The following SPTSSB variants were observed in gnomAD, a reference collection of about 807,000 sequenced individuals.
SPTSSB encodes the protein serine palmitoyltransferase small subunit B, also known as androgen down regulated in mouse prostate.
A neutral mutation model predicts 7.7 loss-of-function variants in SPTSSB; 6 were observed. The observed-to-expected ratio is 0.78, with a 90% CI of 0.43 to 1.54. SPTSSB has a LOEUF of 1.54. Ranked by LOEUF, SPTSSB falls within the 40% of genes most tolerant of loss-of-function variation. SPTSSB has a pLI of 0.01. For missense variants in SPTSSB, 91 were observed against 93.0 expected, an observed-to-expected ratio of 0.98 and a Z score of 0.09; for synonymous variants, 28 against 29.7, an observed-to-expected ratio of 0.94 and a Z score of 0.19.
intron 1 of SPTSSB, among the ~76,000 whole-genome samples, chr3:161,369,353 T>TTTCC (rs1715396946): frequency 3.7e-5 from 2 of 53,890 alleles, no homozygotes; most frequent in African/African-American, 1.7e-4. Flanking sequence ...TCTTTCTTTC[T>TTTCC]CTTTCTTTCT....
At chr3:161,364,397 G>A (rs193130248) in intron 1 of SPTSSB, among the ~76,000 whole-genome samples, 3 of 152,254 alleles carry the variant, frequency 2.0e-5, no homozygotes, top group Non-Finnish European at 4.4e-5. Context: ...AATTTCCTAT[G>A]AGGATCCCTT....
At chr3:161,365,567 C>T (rs1054342932) in intron 1 of SPTSSB, among the ~76,000 whole-genome samples, 2 of 152,182 alleles carry the variant, frequency 1.3e-5, no homozygotes, top group African/African-American at 4.8e-5. Flanking sequence ...GAAATAAGGT[C>T]CTCTTCTGTC....
chr3:161,370,385 C>T (rs1489255358), intron 1 of SPTSSB, among the ~76,000 whole-genome samples: 2 of 152,132 alleles, frequency 1.3e-5, no homozygotes, highest in African/African-American at 4.8e-5. Context: ...ACATTTCATA[C>T]TACAGCTTGT....
chr3:161,360,697 C>T (rs1016025059), intron 1 of SPTSSB, among the ~76,000 whole-genome samples: 3 of 152,058 alleles, frequency 2.0e-5, no homozygotes, highest in Non-Finnish European at 2.9e-5. Context: ...CAGATGATCC[C>T]ATGTTATGGT....
chr3:161,370,217 A>G (rs753630527), intron 1 of SPTSSB, among the ~76,000 whole-genome samples: 52 of 152,314 alleles, frequency 3.4e-4, no homozygotes, highest in South Asian at 6.3e-4. Context: ...AAGAAAACCA[A>G]TGAGAGTTGA....
intron 1 of SPTSSB, among the ~76,000 whole-genome samples, chr3:161,362,399 T>C (rs1368708840): frequency 1.3e-5 from 2 of 152,166 alleles, no homozygotes; most frequent in Non-Finnish European, 2.9e-5. Context: ...ATGACAGACC[T>C]TTGGTAAAGA....
intron 2 of SPTSSB, among the ~76,000 whole-genome samples, chr3:161,347,677 G>A (rs190266463): frequency 5.9e-5 from 9 of 151,324 alleles, no homozygotes; most frequent in East Asian, 2.0e-4. Flanking sequence ...TTTGAGACCC[G>A]CCTGGCCAAC....
chr3:161,369,385 CTTTTTTTTTTTT>C (rs71149710), intron 1 of SPTSSB, among the ~76,000 whole-genome samples: 7,795 of 29,746 alleles, frequency 0.26, 316 homozygotes, highest in East Asian at 0.46. Flanking sequence ...TCTTTCTTTC[CTTTTTTTTTTTT>C]TTTTTTTTTT....
At chr3:161,352,656 ACTTAATATTTC>A (rs1714596803) in intron 2 of SPTSSB, among the ~76,000 whole-genome samples, 1 of 152,302 alleles carries the variant, frequency 6.6e-6, no homozygotes, top group Admixed American at 6.5e-5. Flanking sequence ...ACTCGAATGT[ACTTAATATTTC>A]CACAGCACAA....
intron 1 of SPTSSB, among the ~76,000 whole-genome samples, chr3:161,368,455 C>CT (rs1281861037): frequency 1.4e-5 from 2 of 146,042 alleles, no homozygotes; most frequent in East Asian, 4.1e-4. Flanking sequence ...GAGACGGAGT[C>CT]TCGCTCTGTC....
intron 1 of SPTSSB, among the ~76,000 whole-genome samples, chr3:161,367,314 G>A (rs75290771): frequency 0.03 from 4,626 of 152,332 alleles, 99 homozygotes; most frequent in South Asian, 0.12. Flanking sequence ...ACACAAATCA[G>A]CATGATATGC....
At chr3:161,358,033 T>C (rs928624234) in intron 2 of SPTSSB, among the ~76,000 whole-genome samples, 3 of 145,694 alleles carry the variant, frequency 2.1e-5, no homozygotes, top group Non-Finnish European at 3.0e-5. Flanking sequence ...TTGCAGGCAA[T>C]AGAAACTTTT....
chr3:161,365,195 T>C (rs146902224), intron 1 of SPTSSB, among the ~76,000 whole-genome samples: 162 of 152,348 alleles, frequency 1.1e-3, no homozygotes, highest in African/African-American at 3.8e-3. Flanking sequence ...AACAACAATA[T>C]AAGAGATGCA....
chr3:161,365,267 T>A (rs1715172403), intron 1 of SPTSSB, among the ~76,000 whole-genome samples: 1 of 152,222 alleles, frequency 6.6e-6, no homozygotes, highest in Non-Finnish European at 1.5e-5. Context: ...CTCAGTCAAG[T>A]ATTTAGCAAG....
At chr3:161,351,263 A>G (rs530728016) in intron 2 of SPTSSB, among the ~76,000 whole-genome samples, 110 of 152,294 alleles carry the variant, frequency 7.2e-4, no homozygotes, top group African/African-American at 2.6e-3. Context: ...AAGATTTTAA[A>G]GGGGACACTG....
rs554692786 is a variant in SPTSSB, at chr3:161,370,239, T to TTTTCAACTTCAAATCGAC, written c.-126+1178_-126+1195dup. Among the ~76,000 whole-genome samples, 90 of 152,336 alleles carry TTTTCAACTTCAAATCGAC rather than the reference T, an allele frequency of 5.9e-4. 2 individuals carry two copies. In the South Asian group the frequency reaches 0.018, roughly 30 times the overall value. ...CCAATGAGAGTTGAGGACTGGTTGATTTTCAACTTCAAATCGACTTTCAAC... is the reference window on the plus strand; with the variant it reads ...CCAATGAGAGTTGAGGACTGGTTGATTTTCAACTTCAAATCGACTTTCAACTTCAAATCGACTTTCAAC... On this transcript the variant is annotated intron_variant, in intron 1 of 2. Transcript: ENST00000620149.
chr3:161,352,482 C>T (rs1305303715), intron 2 of SPTSSB, among the ~76,000 whole-genome samples: 1 of 152,180 alleles, frequency 6.6e-6, no homozygotes, highest in African/African-American at 2.4e-5. Flanking sequence ...ACCATTGTAG[C>T]AACATTTTTA....
intron 2 of SPTSSB, among the ~76,000 whole-genome samples, chr3:161,351,355 T>C (rs891295335): frequency 9.9e-5 from 15 of 152,166 alleles, no homozygotes; most frequent in African/African-American, 3.6e-4. Context: ...ATGAAGCCGA[T>C]CCAAAAGAGA....
intron 2 of SPTSSB, among the ~76,000 whole-genome samples, chr3:161,358,630 A>G (rs1714883235): frequency 6.6e-6 from 1 of 152,166 alleles, no homozygotes. Flanking sequence ...AGAGAATGGG[A>G]TCATTTTTAA....
Sources: allele counts gnomAD v4.1 joint callset (sites outside exome capture counted in the v4.1 genomes callset), GRCh38; gene constraint gnomAD v4.1.1; transcripts MANE v1.5; gene names NCBI Gene and HGNC (gene_info 2026-07-23, HGNC 2026-07-21).